TAF5: variants seen among roughly 807,000 people sequenced by gnomAD.
The protein encoded by TAF5 is TATA-box binding protein associated factor 5, also known as transcription initiation factor TFIID subunit 5.
In TAF5, 20 loss-of-function variants were observed where a neutral mutation model predicts 80.9. The ratio of observed to expected loss-of-function variants is 0.25; its 90% confidence interval spans 0.17 to 0.36. The LOEUF (loss-of-function observed/expected upper bound fraction) is 0.36. Among genes scored for constraint, TAF5 ranks in the 10% least tolerant of loss-of-function variants. The pLI is 1.00. For synonymous variants in TAF5, 388 were observed against 406.4 expected (o/e 0.95, Z 0.55); for missense variants, 863 against 1,029.4 (o/e 0.84, Z 2.21).
chr10:103,368,719 C>T (rs1271172970), intron 1 of TAF5, among the ~76,000 whole-genome samples, 171 bp downstream of exon 1: 4 of 152,216 alleles, frequency 2.6e-5, no homozygotes, highest in East Asian at 1.9e-4. Context: ...GTCAAACCCC[C>T]TTCCGAGCTG....
Position 103,387,275 on chromosome 10 carries a change from A to G in TAF5, c.1930A>G (p.Thr644Ala). 1 of 1,614,160 alleles carries G rather than the reference A, an allele frequency of 6.2e-7. No homozygotes were observed. The highest frequency in any genetic ancestry group is 1.1e-5 in the South Asian group (1 of 91,086). Residue 644 changes from threonine (T) to alanine (A), a missense_variant, in exon 9 of 11, where the codon ACG becomes GCG. By Grantham distance (58) the Thr-to-Ala change is moderately conservative. Around this residue, in one of 3 missense-constraint regions of TAF5, gnomAD observed 368 missense variants for 461.7 expected, o/e 0.80. Transcript: ENST00000369839. Reference sequence around the variant, plus strand: ...CCATCCAAATTCTAATTATGTTGCTACGGGCTCTGCAGACAGAACTGTGCG... The same window carrying G: ...CCATCCAAATTCTAATTATGTTGCTGCGGGCTCTGCAGACAGAACTGTGCG... ...RFHPNSNYVA[T>A]GSADRTVRLW...
chr10:103,385,454 A>G lies in TAF5; in HGVS notation c.1793A>G (p.Tyr598Cys). 3.1e-6 allele frequency: 5 copies of G among 1,614,062 alleles called. No homozygotes were observed. The highest frequency in any genetic ancestry group is 4.2e-6 in the Non-Finnish European group (5 of 1,180,004). ...GACACACAATTTTCTCCATATGGAT[A>G]TTATTTTGTGTCAGGGGGCCATGAC... ...VWDTQFSPYG[Y>C]YFVSGGHDRV... The change falls in exon 8 of 11, where the codon TAT (tyrosine) becomes TGT (cysteine). Residue 598 changes from tyrosine to cysteine, a missense_variant. Tyr to Cys is a radical substitution (Grantham distance 194). Coordinates refer to ENST00000369839, the MANE Select transcript of TAF5 (RefSeq NM_006951.5).
chr10:103,371,432 T>G (rs1027405304), intron 1 of TAF5, among the ~76,000 whole-genome samples: 2 of 152,156 alleles, frequency 1.3e-5, no homozygotes, highest in Admixed American at 6.6e-5. Context: ...CCAAAGAAAT[T>G]ATCACATTTC....
intron 1 of TAF5, 67 bp downstream of exon 1, chr10:103,368,615 G>C (rs1592088415): frequency 7.0e-7 from 1 of 1,428,412 alleles, no homozygotes; most frequent in Non-Finnish European, 9.1e-7. Flanking sequence ...GGCAGGGGCT[G>C]GCAGGCCTGC....
Position 103,378,806 on chromosome 10 carries a change from C to T in TAF5, c.1113+256C>T, listed in dbSNP as rs12268075. 0.012 allele frequency among the ~76,000 whole-genome samples: 1,774 copies of T among 152,162 alleles called. 33 individuals are homozygous for T. The highest frequency in any genetic ancestry group is 0.041 in the African/African-American group (1,697 of 41,518). On this transcript the variant is annotated intron_variant, in intron 3 of 10. Transcript: ENST00000369839. The surrounding 1 kb of genome is among the most constrained non-coding windows in gnomAD (Gnocchi z 4.1). The stretch of plus-strand genomic sequence containing the variant: ...CCGAGTAGCTGGGATTAGAGGCACA[C>T]GCCACCAACCTGGCTAATTTTTGTA...
chr10:103,377,018 G>T (rs2093371766), intron 2 of TAF5, among the ~76,000 whole-genome samples: 1 of 152,144 alleles, frequency 6.6e-6, no homozygotes, highest in African/African-American at 2.4e-5. Context: ...AAAATTAGTG[G>T]AGTATGGTGG....
In TAF5 at chr10:103,367,989, G is replaced by A. The variant is rs1409641171; in HGVS notation, c.-1G>A. Reference sequence around the variant, plus strand: ...ACGGCGCGAGGTGGCTCAGCCGCAAGATGGCGGCGCTGGCGGAGGAGCAGA... The same window carrying A: ...ACGGCGCGAGGTGGCTCAGCCGCAAAATGGCGGCGCTGGCGGAGGAGCAGA... On this transcript the variant is annotated 5_prime_UTR_variant, in exon 1 of 11. Coordinates refer to ENST00000369839, the MANE Select transcript of TAF5 (RefSeq NM_006951.5). 13 of 1,462,320 alleles carry A rather than the reference G, an allele frequency of 8.9e-6. No individual in the cohort carries two copies. Among genetic ancestry groups the A allele is most frequent in the African/African-American group, 3.0e-5 (2 of 67,756 alleles). 90.6% of individuals were successfully genotyped at this position (1,462,320 alleles called of 1,614,324 possible).
chr10:103,383,362 G>A lies in TAF5; in HGVS notation c.1659G>A (p.Pro553=), dbSNP rs143265231. The change falls in exon 7 of 11, where the codon CCG becomes CCA. Residue 553 remains proline, a synonymous_variant. Transcript: ENST00000369839. The part of the protein sequence containing the change: ...SGPVYGASFS[P]DRNYLLSSSE... ...CTGTCTACGGAGCCAGCTTCAGTCC[G>A]GATAGGTAAAATACAAACAATAAAA... The A allele has an allele frequency of 8.8e-6, 14 of 1,586,356 alleles. No homozygotes were observed. The highest frequency in any genetic ancestry group is 4.5e-5 in the East Asian group (2 of 44,136).
At chr10:103,368,621 C>G (rs1592088427) in intron 1 of TAF5, 73 bp downstream of exon 1, 1 of 1,413,988 alleles carries the variant, frequency 7.1e-7, no homozygotes. Flanking sequence ...GGCTGGCAGG[C>G]CTGCACCTCT....
chr10:103,383,577 C>CT (rs147178642), intron 7 of TAF5, among the ~76,000 whole-genome samples: 121,953 of 129,132 alleles, frequency 0.94, 58,019 homozygotes, highest in Non-Finnish European at 0.99. Context: ...TGTATACTCA[C>CT]TTTTTTTTTT....
In TAF5 at chr10:103,385,429, G is replaced by A; in HGVS notation, c.1768G>A (p.Asp590Asn). The A allele has an allele frequency of 6.2e-7, 1 of 1,613,982 alleles. No homozygotes were observed. Among genetic ancestry groups the A allele is most frequent in the Non-Finnish European group, 8.5e-7 (1 of 1,180,008 alleles). ...GYKGHNYPVW[D>N]TQFSPYGYYF... ...TAAAGGACACAACTATCCAGTATGG[G>A]ACACACAATTTTCTCCATATGGATA... The change falls in exon 8 of 11, where the codon GAC becomes AAC. Residue 590 changes from aspartate to asparagine, a missense_variant. By Grantham distance (23) the Asp-to-Asn change is conservative. This residue lies in a region of TAF5 where 368 missense variants were observed against 461.7 expected (regional missense o/e 0.80). Transcript: ENST00000369839.
chr10:103,387,427 T>G lies in TAF5; in HGVS notation c.2007+75T>G, dbSNP rs2093399521. 3.2e-5 allele frequency: 50 copies of G among 1,549,544 alleles called. No homozygotes were observed. In the South Asian group the frequency reaches 5.8e-4, roughly 18 times the overall value. The stretch of plus-strand genomic sequence containing the variant: ...AAATATTTTTTAAACAAGTGACACA[T>G]AAATTTTAAAGATACCATTCTTACT... On this transcript the variant is annotated intron_variant, in intron 9 of 10. Coordinates refer to ENST00000369839, the MANE Select transcript of TAF5 (RefSeq NM_006951.5).
At chr10:103,379,809 T>G in intron 4 of TAF5, 38 bp downstream of exon 4, 1 of 1,596,202 alleles carries the variant, frequency 6.3e-7, no homozygotes, top group Non-Finnish European at 8.5e-7. Context: ...TGTGGAGGTA[T>G]AAGACAACAT....
intron 8 of TAF5, among the ~76,000 whole-genome samples, chr10:103,386,153 ATTTGG>A (rs1414559832): frequency 6.6e-6 from 1 of 150,862 alleles, no homozygotes; most frequent in Non-Finnish European, 1.5e-5. Context: ...GTTAGAAACT[ATTTGG>A]CCAGGTGCAG....
intron 2 of TAF5, among the ~76,000 whole-genome samples, chr10:103,375,170 A>C (rs1264491112): frequency 2.6e-5 from 4 of 151,698 alleles, no homozygotes; most frequent in African/African-American, 9.7e-5. Context: ...TTTGGTTGTC[A>C]TAATGACTGG....
intron 2 of TAF5, among the ~76,000 whole-genome samples, chr10:103,377,187 T>C (rs985204283): frequency 6.6e-6 from 1 of 152,170 alleles, no homozygotes; most frequent in African/African-American, 2.4e-5. Context: ...TGTCTCATGG[T>C]GTAGCTGTCT....
At chr10:103,383,075 C>T (rs1360577984) in intron 6 of TAF5, among the ~76,000 whole-genome samples, 163 bp from the exon 7 acceptor site, 6 of 152,226 alleles carry the variant, frequency 3.9e-5, no homozygotes, top group South Asian at 2.1e-4. Flanking sequence ...TCTTCTCTTA[C>T]ACGCTGAGAT....
chr10:103,368,666 A>G, intron 1 of TAF5, 118 bp downstream of exon 1: 3 of 1,284,970 alleles, frequency 2.3e-6, no homozygotes, highest in Non-Finnish European at 2.0e-6. Flanking sequence ...GCCCGCCTCT[A>G]GGGCCACATG....
In TAF5 at chr10:103,388,187, C is replaced by G. The variant is rs2093402378; in HGVS notation, c.2367C>G (p.Asn789Lys). The G allele has an allele frequency of 6.2e-7, 1 of 1,613,866 alleles. No individual in the cohort carries two copies. The highest frequency in any genetic ancestry group is 1.3e-5 in the African/African-American group (1 of 74,916). The change falls in exon 11 of 11, where the codon AAC becomes AAG. Residue 789 changes from asparagine to lysine, a missense_variant. This residue lies in a region of TAF5 where 368 missense variants were observed against 461.7 expected (regional missense o/e 0.80). Transcript: ENST00000369839. Reference sequence around the variant, plus strand: ...TACACCTTCATTTTACTCGAAGAAACCTGGTTCTAGCTGCAGGAGCTTATA... The same window carrying G: ...TACACCTTCATTTTACTCGAAGAAAGCTGGTTCTAGCTGCAGGAGCTTATA... Reference protein sequence around the residue: ...PVVHLHFTRRNLVLAAGAYSP... With the variant: ...PVVHLHFTRRKLVLAAGAYSP...
Sources: gnomAD v4.1 joint callset for allele counts (sites outside exome capture counted in the v4.1 genomes callset) on GRCh38, gnomAD v4.1.1 for gene constraint, gnomAD v4.1.1 regional missense constraint, Gnocchi (gnomAD v3.1) non-coding constraint, MANE v1.5 for transcripts, NCBI Gene and HGNC (gene_info 2026-07-23, HGNC 2026-07-21) for gene names.